CNBD1: variants seen among roughly 807,000 people sequenced by gnomAD.
CNBD1 encodes cyclic nucleotide-binding domain-containing protein 1.
CNBD1 carries 71 observed loss-of-function variants against 54.4 expected under a neutral mutation model. The observed-to-expected ratio is 1.30, with a 90% CI of 1.08 to 1.59. The LOEUF is 1.59. Among genes scored for constraint, CNBD1 ranks in the 40% most tolerant of loss-of-function variants. CNBD1 has a pLI of 0.00. For missense variants in CNBD1, 659 were observed against 518.0 expected (o/e 1.27, Z -2.64); for synonymous variants, 182 against 170.7 (o/e 1.07, Z -0.51).
intron 6 of CNBD1, among the ~76,000 whole-genome samples, chr8:87,267,391 G>A (rs970157300): frequency 1.3e-5 from 2 of 152,216 alleles, no homozygotes; most frequent in African/African-American, 2.4e-5. Flanking sequence ...ATATAATGAT[G>A]GAGAAATTGT....
At chr8:86,936,280 A>T (rs937267430) in intron 3 of CNBD1, among the ~76,000 whole-genome samples, 9 of 152,174 alleles carry the variant, frequency 5.9e-5, no homozygotes, top group African/African-American at 1.7e-4. Flanking sequence ...AAGGGAAAAA[A>T]TTTTTCTATG....
intron 1 of CNBD1, among the ~76,000 whole-genome samples, chr8:86,886,188 T>C (rs1157157359): frequency 1.3e-5 from 2 of 152,154 alleles, no homozygotes; most frequent in Non-Finnish European, 2.9e-5. Flanking sequence ...GAATACTTCA[T>C]AGAAGTTCCT....
rs1447984150 is a variant in CNBD1, at chr8:86,938,907, T to C, written c.273-689T>C. ...ACATATCTTATATTTAATTTTAATCTTCCTATGTATATAATTAAAGGTCTA... is the reference window on the plus strand; with the variant it reads ...ACATATCTTATATTTAATTTTAATCCTCCTATGTATATAATTAAAGGTCTA... On this transcript the variant is annotated intron_variant, in intron 3 of 10. Transcript: ENST00000518476. Among the ~76,000 whole-genome samples, 5 of 152,360 alleles carry C rather than the reference T, an allele frequency of 3.3e-5. No homozygotes were observed. In the East Asian group the frequency reaches 9.6e-4, roughly 29 times the overall value.
chr8:87,425,008 C>T (rs568109416), intron 2 of CNBD1, among the ~76,000 whole-genome samples: 1 of 152,190 alleles, frequency 6.6e-6, no homozygotes, highest in South Asian at 2.1e-4. Flanking sequence ...TTCTTGGAGG[C>T]TTTCCTCATT....
chr8:87,146,835 C>T (rs2130744206), intron 4 of CNBD1, among the ~76,000 whole-genome samples: 1 of 152,256 alleles, frequency 6.6e-6, no homozygotes, highest in Admixed American at 6.5e-5. Flanking sequence ...TTCTCTGCTT[C>T]TACTCAGGCT....
chr8:87,428,624 T>C (rs556469958), intron 3 of CNBD1: 2 of 452,492 alleles, frequency 4.4e-6, no homozygotes, highest in Admixed American at 2.4e-5. Context: ...GTAAGTAAAA[T>C]GTTCAAGTTA....
At chr8:87,089,682 T>C (rs1375673420) in intron 4 of CNBD1, among the ~76,000 whole-genome samples, 1 of 152,132 alleles carries the variant, frequency 6.6e-6, no homozygotes, top group Non-Finnish European at 1.5e-5. Flanking sequence ...GGTGAGACTA[T>C]ATTATAAAGA....
At chr8:86,923,894 T>C (rs1023025537) in intron 3 of CNBD1, among the ~76,000 whole-genome samples, 9 of 152,170 alleles carry the variant, frequency 5.9e-5, no homozygotes, top group African/African-American at 2.2e-4. Flanking sequence ...CTTTACACTT[T>C]CATGGATTTC....
intron 9 of CNBD1, 89 bp downstream of exon 9, chr8:87,351,883 A>G: frequency 8.2e-7 from 1 of 1,213,458 alleles, no homozygotes; most frequent in Non-Finnish European, 1.1e-6. Flanking sequence ...CTAGACATTT[A>G]TTTGTATTAC....
chr8:87,206,266 G>A, intron 5 of CNBD1, 128 bp downstream of exon 5: 1 of 704,870 alleles, frequency 1.4e-6, no homozygotes, highest in Non-Finnish European at 2.1e-6. Context: ...GTACTATTTG[G>A]GTGTGTTTCA....
At chr8:86,991,455 T>G (rs773754843) in intron 4 of CNBD1, among the ~76,000 whole-genome samples, 4 of 152,038 alleles carry the variant, frequency 2.6e-5, no homozygotes, top group African/African-American at 4.8e-5. Context: ...TTCATTCTGT[T>G]GAAGAACCAC....
At chr8:87,065,972 G>A (rs1009159526) in intron 4 of CNBD1, among the ~76,000 whole-genome samples, 3 of 151,958 alleles carry the variant, frequency 2.0e-5, no homozygotes, top group East Asian at 1.9e-4. Context: ...AGAGAAGTAC[G>A]GATGATTAGA....
intron 3 of CNBD1, among the ~76,000 whole-genome samples, chr8:86,906,723 T>A (rs1158377624): frequency 6.6e-6 from 1 of 152,250 alleles, no homozygotes; most frequent in Non-Finnish European, 1.5e-5. Context: ...TATTCATTAA[T>A]CTACCAGCAG....
intron 4 of CNBD1, among the ~76,000 whole-genome samples, chr8:86,989,512 A>T (rs1484119785): frequency 1.3e-5 from 2 of 152,022 alleles, no homozygotes; most frequent in Non-Finnish European, 2.9e-5. Context: ...GTGCAGTGGC[A>T]CGATCCTGGC....
chr8:87,248,585 T>C (rs1300328225), intron 6 of CNBD1, among the ~76,000 whole-genome samples: 1 of 152,226 alleles, frequency 6.6e-6, no homozygotes, highest in Non-Finnish European at 1.5e-5. Flanking sequence ...GAAGGTCTCA[T>C]GGCTTCGTTG....
chr8:86,987,388 A>G (rs745352541), intron 4 of CNBD1, among the ~76,000 whole-genome samples: 1 of 152,162 alleles, frequency 6.6e-6, no homozygotes, highest in Non-Finnish European at 1.5e-5. Context: ...GTTGTTTATC[A>G]GTTCTAGGGG....
chr8:87,329,354 GTTC>G (rs754645150), intron 8 of CNBD1, among the ~76,000 whole-genome samples: 1 of 152,006 alleles, frequency 6.6e-6, no homozygotes, highest in Non-Finnish European at 1.5e-5. Context: ...TTTCAACTTT[GTTC>G]TTCTTCAATA....
intron 2 of CNBD1, among the ~76,000 whole-genome samples, chr8:87,399,105 TTC>T (rs1296475451): frequency 1.3e-5 from 2 of 152,102 alleles, no homozygotes; most frequent in Non-Finnish European, 1.5e-5. Flanking sequence ...AACAGTATAT[TTC>T]TGTTTTATTT....
chr8:86,886,621 G>T (rs1400927538), intron 1 of CNBD1, among the ~76,000 whole-genome samples: 1 of 152,118 alleles, frequency 6.6e-6, no homozygotes, highest in Admixed American at 6.5e-5. Context: ...CAAATTTAAT[G>T]ATTCAGAAAA....
Sources: gnomAD v4.1 joint callset for allele counts (sites outside exome capture counted in the v4.1 genomes callset) on GRCh38, gnomAD v4.1.1 for gene constraint, MANE v1.5 for transcripts, NCBI Gene and HGNC (gene_info 2026-07-23, HGNC 2026-07-21) for gene names.